KLHL1: variants seen among roughly 807,000 people sequenced by gnomAD.
KLHL1 encodes the protein kelch-like protein 1.
In KLHL1, 47 loss-of-function variants were observed where a neutral mutation model predicts 77.7. The ratio of observed to expected loss-of-function variants is 0.60; its 90% confidence interval spans 0.48 to 0.77. The LOEUF is 0.77. Among genes scored for constraint, KLHL1 ranks in the 30% least tolerant of loss-of-function variants. The pLI, the probability that KLHL1 is intolerant of heterozygous loss-of-function variation, is 0.00. For synonymous variants in KLHL1, 360 were observed against 325.2 expected, an observed-to-expected ratio of 1.11 and a Z score of -1.15; for missense variants, 925 against 910.8, an observed-to-expected ratio of 1.02 and a Z score of -0.20.
Position 69,997,825 on chromosome 13 carries a change from T to G in KLHL1, c.498-22023A>C, listed in dbSNP as rs1310959295. ...TCTCACCTATTCTTTATTATATATA[T>G]ATCTCACATATTCTTTATTTATTAT... is the stretch of plus-strand genomic sequence containing the variant. On this transcript the variant is annotated intron_variant, in intron 1 of 10. Transcript: ENST00000377844. Among the ~76,000 whole-genome samples the G allele has an allele frequency of 4.0e-5, 6 of 149,616 alleles. No individual in the cohort carries two copies. The East Asian group carries it at 1.2e-3, about 29-fold the overall frequency.
chr13:69,915,992 CTCA>C (rs1212719064), intron 4 of KLHL1, among the ~76,000 whole-genome samples: 2 of 152,164 alleles, frequency 1.3e-5, no homozygotes, highest in Non-Finnish European at 2.9e-5. Context: ...TGAAAAAATG[CTCA>C]TCATCACTGG....
chr13:70,068,494 A>G (rs377372336), intron 1 of KLHL1, among the ~76,000 whole-genome samples: 47 of 73,792 alleles, frequency 6.4e-4, no homozygotes, highest in African/African-American at 3.2e-3. Flanking sequence ...AGTGGCACAT[A>G]TTTGAGTTTC....
intron 5 of KLHL1, among the ~76,000 whole-genome samples, chr13:69,877,139 T>G (rs1318929964): frequency 6.6e-6 from 1 of 152,186 alleles, no homozygotes; most frequent in Non-Finnish European, 1.5e-5. Flanking sequence ...TGAATTCCCC[T>G]GAGCACCTTT....
intron 1 of KLHL1, among the ~76,000 whole-genome samples, chr13:70,009,340 G>A (rs933062618): frequency 9.9e-5 from 15 of 152,144 alleles, no homozygotes; most frequent in African/African-American, 3.1e-4. Context: ...TTCATGAACT[G>A]TGTTTTAAGA....
At chr13:70,054,252 A>G (rs1447848669) in intron 1 of KLHL1, among the ~76,000 whole-genome samples, 1 of 152,126 alleles carries the variant, frequency 6.6e-6, no homozygotes. Flanking sequence ...AGGAAAAATT[A>G]TAAGAAATAT....
chr13:69,724,164 T>C (rs565817904), intron 8 of KLHL1, among the ~76,000 whole-genome samples: 3 of 152,208 alleles, frequency 2.0e-5, no homozygotes, highest in African/African-American at 7.2e-5. Context: ...AGCCTATGTA[T>C]GACCTGGAAG....
Position 70,024,620 on chromosome 13 carries a change from TTCTCTCTCTC to T in KLHL1, c.498-48828_498-48819del, listed in dbSNP as rs5804459. 7.5e-4 allele frequency among the ~76,000 whole-genome samples: 98 copies of T among 130,394 alleles called. 2 individuals are homozygous for T. The highest frequency in any genetic ancestry group is 3.8e-3 in the Middle Eastern group (1 of 260). 85.5% of individuals were successfully genotyped at this position (130,394 alleles called of 152,430 possible). A position where few individuals can be genotyped will look rare whatever the true frequency, so the allele number is the denominator to read the frequency against. On this transcript the variant is annotated intron_variant, in intron 1 of 10. Transcript: ENST00000377844. ...CTGGTTAGGGGTGAGGAGAAAAGAT[TTCTCTCTCTC>T]TCTCTCTCTCTCTCTCTCTCTCTCT...
intron 5 of KLHL1, 68 bp downstream of exon 5, chr13:69,882,215 G>T: frequency 9.5e-7 from 1 of 1,050,962 alleles, no homozygotes; most frequent in Non-Finnish European, 1.5e-6. Context: ...AATGTGTTTT[G>T]ATGTTTACTT....
At chr13:69,754,636 A>G (rs575122683) in intron 7 of KLHL1, among the ~76,000 whole-genome samples, 63 of 152,244 alleles carry the variant, frequency 4.1e-4, no homozygotes, top group African/African-American at 1.4e-3. Flanking sequence ...ACTCCAATTC[A>G]TTCTTCATAT....
chr13:69,921,644 G>T (rs1317646324), intron 4 of KLHL1, among the ~76,000 whole-genome samples: 1 of 151,938 alleles, frequency 6.6e-6, no homozygotes, highest in African/African-American at 2.4e-5. Flanking sequence ...TTATTCCTCT[G>T]TTTCCCTTTT....
intron 1 of KLHL1, among the ~76,000 whole-genome samples, chr13:70,047,399 TTGTG>T (rs140790054): frequency 4.7e-5 from 7 of 149,770 alleles, no homozygotes; most frequent in African/African-American, 1.5e-4. Flanking sequence ...GGAAATCTGT[TTGTG>T]TGTGTGTGTG....
At chr13:70,023,334 T>C (rs937068388) in intron 1 of KLHL1, among the ~76,000 whole-genome samples, 3 of 151,930 alleles carry the variant, frequency 2.0e-5, no homozygotes, top group African/African-American at 4.8e-5. Context: ...CAAATATTTG[T>C]TATTTTCTGA....
chr13:70,094,479 A>G (rs1467770719), intron 1 of KLHL1, among the ~76,000 whole-genome samples: 10 of 151,042 alleles, frequency 6.6e-5, no homozygotes, highest in African/African-American at 2.2e-4. Context: ...GGAAAAAGCA[A>G]AAAGTGTGTC....
intron 6 of KLHL1, among the ~76,000 whole-genome samples, chr13:69,829,473 A>G (rs1265707057): frequency 1.3e-5 from 2 of 150,142 alleles, no homozygotes; most frequent in Non-Finnish European, 3.0e-5. Context: ...CCTCTGACAT[A>G]GTCTATCCAA....
chr13:69,860,406 T>C (rs1486716122), intron 5 of KLHL1, among the ~76,000 whole-genome samples: 1 of 151,982 alleles, frequency 6.6e-6, no homozygotes, highest in African/African-American at 2.4e-5. Flanking sequence ...TGTAAGATAG[T>C]TGCCTCTTTT....
intron 3 of KLHL1, among the ~76,000 whole-genome samples, chr13:69,941,949 T>A (rs932431748): frequency 6.6e-6 from 1 of 151,784 alleles, no homozygotes; most frequent in Non-Finnish European, 1.5e-5. Context: ...AGTACTTAGA[T>A]TGAAACAGTA....
At chr13:69,906,015 G>A (rs778749864) in intron 4 of KLHL1, among the ~76,000 whole-genome samples, 13 of 151,928 alleles carry the variant, frequency 8.6e-5, no homozygotes, top group South Asian at 2.1e-4. Context: ...CCAGTGTTTC[G>A]AAATCTCTCA....
chr13:70,065,967 A>G (rs780821785), intron 1 of KLHL1, among the ~76,000 whole-genome samples: 5 of 152,208 alleles, frequency 3.3e-5, no homozygotes, highest in African/African-American at 4.8e-5. Context: ...TTTGCATTCT[A>G]CAGTGATTAT....
At chr13:69,910,867 T>A (rs1882213990) in intron 4 of KLHL1, among the ~76,000 whole-genome samples, 1 of 152,094 alleles carries the variant, frequency 6.6e-6, no homozygotes, top group Non-Finnish European at 1.5e-5. Flanking sequence ...GACACATATA[T>A]AAGCAATCAG....
Sources: allele counts gnomAD v4.1 joint callset (sites outside exome capture counted in the v4.1 genomes callset), GRCh38; gene constraint gnomAD v4.1.1; transcripts MANE v1.5; gene names NCBI Gene and HGNC (gene_info 2026-07-23, HGNC 2026-07-21).